The following ADCY1 variants were observed in gnomAD, a reference collection of about 807,000 sequenced individuals.
ADCY1 encodes the protein adenylate cyclase 1, also known as adenylate cyclase type 1.
In ADCY1, 28 loss-of-function variants were observed where a neutral mutation model predicts 105.4. That is an observed-to-expected ratio of 0.27 (90% confidence interval 0.20 to 0.36). The LOEUF (loss-of-function observed/expected upper bound fraction) is 0.36. ADCY1 is among the 10% of genes least tolerant of loss of function. ADCY1 has a pLI of 1.00. For missense variants in ADCY1, 977 were observed against 1,434.2 expected (o/e 0.68, Z 5.15); for synonymous variants, 655 against 623.8 (o/e 1.05, Z -0.75).
intron 4 of ADCY1, among the ~76,000 whole-genome samples, chr7:45,634,982 G>C (rs969706463): frequency 6.6e-6 from 1 of 152,056 alleles, no homozygotes; most frequent in East Asian, 1.9e-4. Context: ...ATTTCCTTTT[G>C]TTGAATTTTT....
rs1191112189 is a variant in ADCY1 at position 45,710,338 on chromosome 7, G to A, written c.2933-190G>A. Among the ~76,000 whole-genome samples, 1 of 152,162 alleles carries A rather than the reference G, an allele frequency of 6.6e-6. No individual in the cohort carries two copies. The highest frequency in any genetic ancestry group is 6.5e-5 in the Admixed American group (1 of 15,282). On this transcript the variant is annotated intron_variant, in intron 18 of 19. Transcript: ENST00000297323. This position sits in a 1 kb window ranked among gnomAD's most constrained non-coding sequence, Gnocchi z 4.7. ...TGCCCAGGGGAGCCCGTGCAGCAGG[G>A]CAGCTGCCTCTCTGGTGCTGTGTGT...
intron 2 of ADCY1, among the ~76,000 whole-genome samples, chr7:45,600,089 G>A (rs776184045): frequency 4.6e-5 from 7 of 152,238 alleles, no homozygotes; most frequent in Non-Finnish European, 1.0e-4. Flanking sequence ...GTGTGGCCGG[G>A]AGAGGAAAGG....
chr7:45,583,688 C>T (rs368475192), intron 1 of ADCY1, among the ~76,000 whole-genome samples: 12 of 151,860 alleles, frequency 7.9e-5, no homozygotes, highest in East Asian at 1.9e-4. Flanking sequence ...TTGCCCAGGC[C>T]GGAGTGCAGT....
intron 14 of ADCY1, among the ~76,000 whole-genome samples, chr7:45,699,450 A>G (rs1360682819): frequency 6.6e-6 from 1 of 152,192 alleles, no homozygotes; most frequent in Non-Finnish European, 1.5e-5. Context: ...GATTAGGTAG[A>G]CTGGATTCAT....
chr7:45,602,668 C>T lies in ADCY1; in HGVS notation c.790-7711C>T, dbSNP rs148971904. Among the ~76,000 whole-genome samples, 64 of 152,220 alleles carry T rather than the reference C, an allele frequency of 4.2e-4. 2 individuals carry two copies. The East Asian group carries it at 0.011, about 26-fold the overall frequency. On this transcript the variant is annotated intron_variant, in intron 2 of 19. Transcript: ENST00000297323. ...GGACAGCACCTTCTCAAACAACTAC[C>T]GTTGTGATTTATTTTTCATTTTTAA...
rs1785165536 is a variant in ADCY1 at position 45,708,458 on chromosome 7, C to T, written c.2926C>T (p.Arg976Ter). Residue 976 changes from arginine to a stop codon, truncating the protein, a stop_gained, in exon 18 of 20, where the codon CGA (arginine) becomes TGA (stop). Transcript: ENST00000297323. LOFTEE classifies it high-confidence loss of function. The surrounding 1 kb of genome is among the most constrained non-coding windows in gnomAD (Gnocchi z 4.7). ...CCAGTCTTACAACGACTTTGTCCTC[C>T]GAGTTGGTATGTGGCTCTAAACCTA... Reference protein sequence around the residue: ...NYQSYNDFVLRVGINVGPVVA... With the variant: ...NYQSYNDFVL The T allele has an allele frequency of 1.9e-6, 3 of 1,612,030 alleles. No homozygotes were observed. The highest frequency in any genetic ancestry group is 1.1e-5 in the South Asian group (1 of 91,026).
At position 45,575,832 on chromosome 7, in the gene ADCY1, C is replaced by T. The variant is rs897745754; in HGVS notation, c.639+650C>T. Among the ~76,000 whole-genome samples, 17 of 152,372 alleles carry T rather than the reference C, an allele frequency of 1.1e-4. No homozygotes were observed. The highest frequency in any genetic ancestry group is 9.1e-4 in the Admixed American group (14 of 15,312). On this transcript the variant is annotated intron_variant, in intron 1 of 19. Transcript: ENST00000297323. The surrounding 1 kb of genome is among the most constrained non-coding windows in gnomAD (Gnocchi z 4.7). ...GCCCTGACCCTGCCTTTTCTGCGCC[C>T]GAACTTTGTCACTGTCTTCCCAGTC...
rs559983264 is a variant in ADCY1, at chr7:45,671,401, C to T, written c.1606-6468C>T. On this transcript the variant is annotated intron_variant, in intron 8 of 19. Transcript: ENST00000297323. ...TAAAGCTGCCATAAACATTGTCGTG[C>T]GAAATTTTGTGCGCACATCCATGTT... Among the ~76,000 whole-genome samples, 75 of 152,244 alleles carry T rather than the reference C, an allele frequency of 4.9e-4. 1 individual carries two copies. Among genetic ancestry groups the T allele is most frequent in the Admixed American group, 4.6e-3 (70 of 15,304 alleles).
intron 3 of ADCY1, among the ~76,000 whole-genome samples, chr7:45,610,727 ATAG>A (rs1345243168): frequency 3.4e-5 from 4 of 119,310 alleles, no homozygotes; most frequent in Admixed American, 8.7e-5. Context: ...TGAGGAGGGG[ATAG>A]TGGAGGTGGG....
At chr7:45,586,364 C>T (rs547272708) in intron 1 of ADCY1, among the ~76,000 whole-genome samples, 2 of 152,256 alleles carry the variant, frequency 1.3e-5, no homozygotes, top group South Asian at 2.1e-4. Flanking sequence ...CATTAGAAAC[C>T]TGATGACGGG....
intron 8 of ADCY1, among the ~76,000 whole-genome samples, chr7:45,672,444 G>GT (rs60951377): frequency 0.16 from 24,871 of 151,760 alleles, 2,324 homozygotes; most frequent in African/African-American, 0.25. Context: ...TTGCATGAAC[G>GT]TGGTATGCCT....
Position 45,657,903 on chromosome 7 carries a change from T to TGG in ADCY1, c.1307+21_1307+22dup. ...CTGCCAGGGTAAGTCGGGGATGGGG[T>TGG]GGGGAGGGGAGGGAGGTGGGTGATG... On this transcript the variant is annotated intron_variant, in intron 6 of 19. Coordinates refer to ENST00000297323, the MANE Select transcript of ADCY1 (RefSeq NM_021116.4). 2 of 242,730 alleles carry TGG rather than the reference T, an allele frequency of 8.2e-6. No homozygotes were observed. The highest frequency in any genetic ancestry group is 1.1e-4 in the Admixed American group (2 of 18,812). The allele number at this position is 242,730 out of a possible 1,614,324, so 15.0% of individuals were successfully genotyped here. A position where few individuals can be genotyped will look rare whatever the true frequency, so the allele number is the denominator to read the frequency against.
intron 5 of ADCY1, among the ~76,000 whole-genome samples, chr7:45,652,764 G>A (rs570697082): frequency 3.9e-5 from 6 of 152,304 alleles, no homozygotes; most frequent in South Asian, 4.1e-4. Context: ...GCAGGGTGGG[G>A]CATCTCTTTG....
In ADCY1 at chr7:45,713,881, T is replaced by C. The variant is rs750314620; in HGVS notation, c.3246T>C (p.Leu1082=). Residue 1082 remains leucine (L), a synonymous_variant, in exon 20 of 20, where the codon CTT becomes CTC. Coordinates refer to ENST00000297323, the MANE Select transcript of ADCY1 (RefSeq NM_021116.4). ...RKMCPFGRAG[L]QGRRPPVCPM... is the part of the protein sequence containing the mutation. ...TGTGTCCATTTGGGAGAGCTGGCCT[T>C]CAGGGCAGACGTCCCCCCGTGTGCC... 5.1e-6 allele frequency: 4 copies of C among 780,592 alleles called. No individual in the cohort carries two copies. Among genetic ancestry groups the C allele is most frequent in the Admixed American group, 1.7e-5 (1 of 59,026 alleles). 48.4% of individuals were successfully genotyped at this position (780,592 alleles called of 1,614,324 possible).
At chr7:45,709,829 G>C (rs1002536454) in intron 18 of ADCY1, among the ~76,000 whole-genome samples, 1 of 152,220 alleles carries the variant, frequency 6.6e-6, no homozygotes, top group Non-Finnish European at 1.5e-5. Context: ...GTCACAGCCT[G>C]GTATGTGCCC....
intron 11 of ADCY1, 89 bp downstream of exon 11, chr7:45,679,882 C>T: frequency 1.2e-5 from 17 of 1,459,780 alleles, no homozygotes; most frequent in Non-Finnish European, 1.6e-5. Flanking sequence ...ATCACCTGGT[C>T]CAGGTATGAG....
At chr7:45,665,734 T>C (rs1584317644) in intron 8 of ADCY1, among the ~76,000 whole-genome samples, 1 of 152,240 alleles carries the variant, frequency 6.6e-6, no homozygotes, top group African/African-American at 2.4e-5. Flanking sequence ...TGACAGACTT[T>C]AGAAATCTTG....
chr7:45,648,047 C>T (rs1311046521), intron 4 of ADCY1, among the ~76,000 whole-genome samples: 1 of 152,240 alleles, frequency 6.6e-6, no homozygotes. Flanking sequence ...AGTTAACTCT[C>T]TCCACCTTCC....
rs1168834576 is a variant in ADCY1, at chr7:45,714,201, G to A, written c.*206G>A. 1 of 586,614 alleles carries A rather than the reference G, an allele frequency of 1.7e-6. No individual in the cohort carries two copies. Among genetic ancestry groups the A allele is most frequent in the Non-Finnish European group, 3.0e-6 (1 of 329,838 alleles). 36.3% of individuals were successfully genotyped at this position (586,614 alleles called of 1,614,324 possible). A position where few individuals can be genotyped will look rare whatever the true frequency, so the allele number is the denominator to read the frequency against. ...CAGCACAGCAGTGACTCGGTGAGGG[G>A]AGGACACCCGACTGTGCACACTTCC... On this transcript the variant is annotated 3_prime_UTR_variant, in exon 20 of 20. Coordinates refer to ENST00000297323, the MANE Select transcript of ADCY1 (RefSeq NM_021116.4).
Sources: gnomAD v4.1 joint callset for allele counts (sites outside exome capture counted in the v4.1 genomes callset) on GRCh38, gnomAD v4.1.1 for gene constraint, Gnocchi (gnomAD v3.1) non-coding constraint, MANE v1.5 for transcripts, NCBI Gene and HGNC (gene_info 2026-07-23, HGNC 2026-07-21) for gene names.